The following CRPPA variants were observed in gnomAD, a reference collection of about 807,000 sequenced individuals.
The protein encoded by CRPPA is CDP-L-ribitol pyrophosphorylase A, also known as D-ribitol-5-phosphate cytidylyltransferase.
CRPPA carries 43 observed loss-of-function variants against 52.0 expected under a neutral mutation model. The ratio of observed to expected loss-of-function variants is 0.83; its 90% confidence interval spans 0.65 to 1.07. The LOEUF is 1.07. Ranked by LOEUF, CRPPA falls within the 50% of genes least tolerant of loss-of-function variation. The probability of loss-of-function intolerance (pLI) is 0.00; values close to 1 mark genes in which losing one functional copy is unlikely to be tolerated. For synonymous variants in CRPPA, 250 were observed against 203.5 expected (o/e 1.23, Z -1.94); for missense variants, 629 against 551.7 (o/e 1.14, Z -1.40).
chr7:16,216,783 G>C (rs1230159692), intron 8 of CRPPA, among the ~76,000 whole-genome samples: 1 of 152,252 alleles, frequency 6.6e-6, no homozygotes, highest in Non-Finnish European at 1.5e-5. Context: ...CTGGCTCTGA[G>C]GGTCCTACGC....
At chr7:16,112,833 G>A (rs967962749) in intron 9 of CRPPA, among the ~76,000 whole-genome samples, 3 of 152,042 alleles carry the variant, frequency 2.0e-5, no homozygotes, top group Non-Finnish European at 4.4e-5. Context: ...GAACTTACCT[G>A]ATGCCAGACT....
chr7:16,185,585 T>C (rs1781490591), intron 9 of CRPPA, among the ~76,000 whole-genome samples: 1 of 152,224 alleles, frequency 6.6e-6, no homozygotes, highest in Non-Finnish European at 1.5e-5. Flanking sequence ...GATAACCAAG[T>C]TTATACTTTG....
intron 6 of CRPPA, among the ~76,000 whole-genome samples, chr7:16,266,780 C>T (rs983429366): frequency 2.0e-5 from 3 of 152,066 alleles, no homozygotes; most frequent in Non-Finnish European, 4.4e-5. Context: ...TGCCCAGCCC[C>T]GTTTTATTAT....
In CRPPA at chr7:16,405,481, A is replaced by G. The variant is rs537289506; in HGVS notation, c.534+580T>C. On this transcript the variant is annotated intron_variant, in intron 2 of 9. Coordinates refer to ENST00000407010, the MANE Select transcript of CRPPA (RefSeq NM_001101426.4). ...TCACTAAGTCTCCAATTTAGACTGC[A>G]AAAAAGTTTAGTATCTATTACCATA... Among the ~76,000 whole-genome samples the G allele has an allele frequency of 2.6e-5, 4 of 152,192 alleles. No individual in the cohort carries two copies. In the South Asian group the frequency reaches 8.3e-4, roughly 32 times the overall value.
intron 9 of CRPPA, among the ~76,000 whole-genome samples, chr7:16,145,153 C>T (rs1441629527): frequency 6.6e-6 from 1 of 152,194 alleles, no homozygotes; most frequent in Non-Finnish European, 1.5e-5. Context: ...CCTGTTCTAC[C>T]ATAGTCTGGA....
chr7:16,232,885 C>G (rs2128403540), intron 8 of CRPPA, among the ~76,000 whole-genome samples: 1 of 152,044 alleles, frequency 6.6e-6, no homozygotes, highest in East Asian at 1.9e-4. Context: ...TCAAACAAAA[C>G]CAACCCAACT....
chr7:16,188,328 C>A (rs1781545521), intron 9 of CRPPA, among the ~76,000 whole-genome samples: 1 of 151,806 alleles, frequency 6.6e-6, no homozygotes, highest in African/African-American at 2.4e-5. Flanking sequence ...ATGGTGTGAG[C>A]AAAGAGATGA....
chr7:16,378,356 C>A (rs997697191), intron 2 of CRPPA, among the ~76,000 whole-genome samples: 25 of 146,850 alleles, frequency 1.7e-4, no homozygotes, highest in African/African-American at 6.3e-4. Context: ...TGAGAACATG[C>A]GGTGTTTGGT....
At chr7:16,157,238 G>A (rs1179335251) in intron 9 of CRPPA, among the ~76,000 whole-genome samples, 1 of 141,440 alleles carries the variant, frequency 7.1e-6, no homozygotes, top group African/African-American at 2.6e-5. Context: ...TAAGCTTATT[G>A]CTATTCTGAT....
At position 16,321,446 on chromosome 7, in the gene CRPPA, T is replaced by C. The variant is rs190478879; in HGVS notation, c.685-12819A>G. 5.9e-4 allele frequency among the ~76,000 whole-genome samples: 90 copies of C among 151,936 alleles called. 1 individual carries two copies. Among genetic ancestry groups the C allele is most frequent in the African/African-American group, 2.1e-3 (89 of 41,452 alleles). On this transcript the variant is annotated intron_variant, in intron 3 of 9. Transcript: ENST00000407010. ...GTGACATATCTAACCCCAATGTAAA[T>C]AACTTAGGGAAAAAAAATCAAAACT...
Position 16,216,216 on chromosome 7 carries a change from A to T in CRPPA, c.1120-19T>A, listed in dbSNP as rs773390529. On this transcript the variant is annotated intron_variant, in intron 8 of 9. Transcript: ENST00000407010. ...AATGAACCTGCAAAATATAAAAGACAGTATTTAGAATATCATTCCCTTCAA... is the reference window on the plus strand; with the variant it reads ...AATGAACCTGCAAAATATAAAAGACTGTATTTAGAATATCATTCCCTTCAA... The T allele has an allele frequency of 1.1e-5, 17 of 1,495,932 alleles. No homozygotes were observed. The East Asian group carries it at 3.4e-4, about 30-fold the overall frequency. The allele number at this position is 1,495,932 out of a possible 1,614,324, so 92.7% of individuals were successfully genotyped here.
intron 9 of CRPPA, among the ~76,000 whole-genome samples, chr7:16,100,883 G>A (rs531470098): frequency 2.5e-4 from 38 of 152,108 alleles, no homozygotes; most frequent in African/African-American, 8.2e-4. Context: ...TATTATTGAG[G>A]GCCTTTTCTG....
chr7:16,240,362 G>A (rs1203515927), intron 8 of CRPPA, among the ~76,000 whole-genome samples: 2 of 151,836 alleles, frequency 1.3e-5, no homozygotes, highest in South Asian at 2.1e-4. Flanking sequence ...TTGTATTTCT[G>A]CCACTGGAGC....
At chr7:16,219,505 C>T (rs1782437693) in intron 8 of CRPPA, among the ~76,000 whole-genome samples, 1 of 108,296 alleles carries the variant, frequency 9.2e-6, no homozygotes, top group Admixed American at 1.1e-4. Flanking sequence ...AATCCAGGAG[C>T]TGGTTTTTTG....
intron 9 of CRPPA, among the ~76,000 whole-genome samples, chr7:16,184,724 G>A (rs1224338555): frequency 6.6e-6 from 1 of 152,128 alleles, no homozygotes; most frequent in East Asian, 1.9e-4. Context: ...ACTTCCTATA[G>A]GCATTCTCAG....
At chr7:16,207,019 CA>C (rs1781990211) in intron 9 of CRPPA, among the ~76,000 whole-genome samples, 1 of 152,134 alleles carries the variant, frequency 6.6e-6, no homozygotes, top group Non-Finnish European at 1.5e-5. Context: ...CCAAACATTA[CA>C]CACCTTTCTG....
At chr7:16,383,937 C>A (rs191970720) in intron 2 of CRPPA, among the ~76,000 whole-genome samples, 29 of 152,352 alleles carry the variant, frequency 1.9e-4, no homozygotes, top group African/African-American at 6.7e-4. Flanking sequence ...TCCCTGACCG[C>A]TTGCACTTCT....
At chr7:16,386,743 G>T (rs897157228) in intron 2 of CRPPA, among the ~76,000 whole-genome samples, 3 of 152,080 alleles carry the variant, frequency 2.0e-5, no homozygotes, top group Admixed American at 1.3e-4. Flanking sequence ...ACTTGCAGCT[G>T]GGTACAGTGG....
intron 6 of CRPPA, among the ~76,000 whole-genome samples, chr7:16,276,257 A>G (rs1372944766): frequency 6.6e-6 from 1 of 152,160 alleles, no homozygotes; most frequent in East Asian, 1.9e-4. Flanking sequence ...CCAAACAGAA[A>G]AAAACTAAAG....
Sources: allele counts gnomAD v4.1 joint callset (sites outside exome capture counted in the v4.1 genomes callset), GRCh38; gene constraint gnomAD v4.1.1; transcripts MANE v1.5; gene names NCBI Gene and HGNC (gene_info 2026-07-23, HGNC 2026-07-21).